The following SLC44A5 variants were observed in gnomAD, a reference collection of about 807,000 sequenced individuals.
The protein encoded by SLC44A5 is choline transporter-like protein 5.
SLC44A5 carries 57 observed loss-of-function variants against 101.8 expected under a neutral mutation model. The ratio of observed to expected loss-of-function variants is 0.56; its 90% CI spans 0.45 to 0.70. The LOEUF (loss-of-function observed/expected upper bound fraction) is 0.70. Among genes scored for constraint, SLC44A5 ranks in the 30% least tolerant of loss-of-function variants. The pLI is 0.00. For synonymous variants in SLC44A5, 281 were observed against 290.9 expected, an observed-to-expected ratio of 0.97 and a Z score of 0.35; for missense variants, 737 against 853.1, an observed-to-expected ratio of 0.86 and a Z score of 1.70.
chr1:75,297,474 A>G (rs571950321), intron 5 of SLC44A5, among the ~76,000 whole-genome samples: 8 of 152,176 alleles, frequency 5.3e-5, no homozygotes, highest in African/African-American at 1.9e-4. Flanking sequence ...TCGTAGGGAC[A>G]GGATTTTGCC....
At chr1:75,597,930 A>C (rs1674743570) in intron 1 of SLC44A5, among the ~76,000 whole-genome samples, 1 of 152,192 alleles carries the variant, frequency 6.6e-6, no homozygotes, top group African/African-American at 2.4e-5. Flanking sequence ...AAAAGAAAAA[A>C]ATTGACAAAT....
the SLC44A5 span, among the ~76,000 whole-genome samples, chr1:75,645,988 C>T: frequency 0.65 from 85,317 of 131,518 alleles, 33,838 homozygotes; most frequent in East Asian, 0.87. Flanking sequence ...TCCATTGGTC[C>T]ATATATCTGT....
chr1:75,708,015 T>C, the SLC44A5 span, among the ~76,000 whole-genome samples: 2 of 152,208 alleles, frequency 1.3e-5, no homozygotes, highest in African/African-American at 2.4e-5. Context: ...TAATAAATAC[T>C]ACTAAATGTA....
the SLC44A5 span, among the ~76,000 whole-genome samples, chr1:75,687,205 AC>A: frequency 6.6e-6 from 1 of 152,180 alleles, no homozygotes; most frequent in Non-Finnish European, 1.5e-5. Flanking sequence ...TCATTAACAT[AC>A]TAAATCACAC....
In SLC44A5 at chr1:75,203,228, A is replaced by G. The variant is rs1401927437; in HGVS notation, c.*499T>C. On this transcript the variant is annotated 3_prime_UTR_variant, in exon 24 of 24. Transcript: ENST00000370859. ...CAATTTGTTTAAGAGGAAACATTCT[A>G]TACTTAAAGAGAGCAAACTCTCAAC... The G allele has an allele frequency of 6.6e-6, 1 of 152,224 alleles. No individual in the cohort carries two copies. The highest frequency in any genetic ancestry group is 2.4e-5 in the African/African-American group (1 of 41,448). 9.4% of individuals were successfully genotyped at this position (152,224 alleles called of 1,614,324 possible). A position where few individuals can be genotyped will look rare whatever the true frequency, so the allele number is the denominator to read the frequency against.
the SLC44A5 span, among the ~76,000 whole-genome samples, chr1:75,660,628 T>G: frequency 6.6e-6 from 1 of 152,124 alleles, no homozygotes; most frequent in African/African-American, 2.4e-5. Flanking sequence ...TCAGTAAAGT[T>G]GCAGGATATA....
chr1:75,619,079 A>AGC, the SLC44A5 span, among the ~76,000 whole-genome samples: 12 of 96,548 alleles, frequency 1.2e-4, no homozygotes, highest in African/African-American at 4.8e-4. Context: ...TCAAAAAAAA[A>AGC]GGGGGGGGGG....
intron 2 of SLC44A5, among the ~76,000 whole-genome samples, chr1:75,515,095 G>A (rs1035750602): frequency 6.6e-6 from 1 of 151,968 alleles, no homozygotes; most frequent in African/African-American, 2.4e-5. Context: ...TTCACTTTTT[G>A]TGTGTTGTTT....
chr1:75,267,412 T>G (rs1651087997), intron 6 of SLC44A5, among the ~76,000 whole-genome samples: 1 of 152,170 alleles, frequency 6.6e-6, no homozygotes, highest in Non-Finnish European at 1.5e-5. Flanking sequence ...TTATTTAATT[T>G]TGGAAAATTC....
chr1:75,689,502 G>A, the SLC44A5 span, among the ~76,000 whole-genome samples: 1 of 152,146 alleles, frequency 6.6e-6, no homozygotes, highest in East Asian at 1.9e-4. Flanking sequence ...CAGGTTTTGG[G>A]CTCATTACTA....
upstream of SLC44A5, chr1:75,615,937 C>G: frequency 2.1e-6 from 2 of 960,330 alleles, no homozygotes; most frequent in Non-Finnish European, 2.5e-6. Context: ...CTCCGGCTGC[C>G]GCGCAGCTCC....
In SLC44A5 at chr1:75,549,259, A is replaced by C. The variant is rs146091874; in HGVS notation, c.-69-7743T>G. Among the ~76,000 whole-genome samples, 286 of 152,230 alleles carry C rather than the reference A, an allele frequency of 1.9e-3. 2 individuals are homozygous for C. Among genetic ancestry groups the C allele is most frequent in the African/African-American group, 6.7e-3 (280 of 41,572 alleles). On this transcript the variant is annotated intron_variant, in intron 1 of 23. Transcript: ENST00000370859. ...TTCCAGTCTTGGATAGCTGCCTAGT[A>C]AAATACTAAGGCTAGGACTGTATGT...
chr1:75,721,892 A>G, the SLC44A5 span, among the ~76,000 whole-genome samples: 119 of 152,320 alleles, frequency 7.8e-4, no homozygotes, highest in African/African-American at 2.7e-3. Flanking sequence ...TCAAAAACAA[A>G]CTATTTACAA....
rs555275304 is a variant in SLC44A5 at position 75,244,478 on chromosome 1, C to T, written c.346-1467G>A. On this transcript the variant is annotated intron_variant, in intron 7 of 23. Coordinates refer to ENST00000370859, the MANE Select transcript of SLC44A5 (RefSeq NM_001130058.2). The stretch of plus-strand genomic sequence containing the variant: ...TTCTCTGAATATTGAACACCTATGA[C>T]ACTAATAATTATTAGTGCCCGTGAA... 5.9e-5 allele frequency among the ~76,000 whole-genome samples: 9 copies of T among 152,148 alleles called. No homozygotes were observed. The South Asian group carries it at 1.4e-3, about 25-fold the overall frequency.
chr1:75,316,209 G>C (rs76374186), intron 4 of SLC44A5, among the ~76,000 whole-genome samples: 1,697 of 152,238 alleles, frequency 0.011, 29 homozygotes, highest in African/African-American at 0.039. Flanking sequence ...TACAACCTTT[G>C]CATTCCCAAA....
At chr1:75,444,281 C>T (rs1205460513) in intron 2 of SLC44A5, among the ~76,000 whole-genome samples, 1 of 137,366 alleles carries the variant, frequency 7.3e-6, no homozygotes, top group Non-Finnish European at 1.5e-5. Context: ...TGCTCCACTG[C>T]ACTCTAGCAT....
intron 3 of SLC44A5, among the ~76,000 whole-genome samples, chr1:75,350,295 C>T (rs1267896011): frequency 6.7e-6 from 1 of 150,252 alleles, no homozygotes; most frequent in Admixed American, 6.6e-5. Context: ...GAAGAGGGCA[C>T]TCAACCAGAA....
chr1:75,247,507 A>G (rs1425072091), intron 7 of SLC44A5, among the ~76,000 whole-genome samples: 1 of 152,160 alleles, frequency 6.6e-6, no homozygotes, highest in Non-Finnish European at 1.5e-5. Context: ...GAAGTCAGCA[A>G]GTAGATGGTG....
At chr1:75,687,122 C>A in the SLC44A5 span, among the ~76,000 whole-genome samples, 1 of 152,112 alleles carries the variant, frequency 6.6e-6, no homozygotes, top group Non-Finnish European at 1.5e-5. Context: ...CAACCTAAGA[C>A]TGACTGAACC....
Sources: gnomAD v4.1 joint callset for allele counts (sites outside exome capture counted in the v4.1 genomes callset) on GRCh38, gnomAD v4.1.1 for gene constraint, MANE v1.5 for transcripts, NCBI Gene and HGNC (gene_info 2026-07-23, HGNC 2026-07-21) for gene names.